CAMKMT: variants seen among roughly 807,000 people sequenced by gnomAD.
CAMKMT encodes the protein CaM KMT.
A neutral mutation model predicts 48.0 loss-of-function variants in CAMKMT; 53 were observed. That is an observed-to-expected ratio of 1.10 (90% CI 0.89 to 1.39). The LOEUF (loss-of-function observed/expected upper bound fraction) is 1.39, where lower values mean the gene tolerates loss of function less well. Among genes scored for constraint, CAMKMT ranks in the 40% most tolerant of loss-of-function variants. The pLI is 0.00. For missense variants in CAMKMT, 428 were observed against 402.7 expected (o/e 1.06, Z -0.54); for synonymous variants, 165 against 152.3 (o/e 1.08, Z -0.61).
chr2:44,608,707 C>T (rs985123077), intron 3 of CAMKMT, among the ~76,000 whole-genome samples: 1 of 152,146 alleles, frequency 6.6e-6, no homozygotes, highest in East Asian at 1.9e-4. Flanking sequence ...TCAGAATCCA[C>T]TGTATTTGGC....
intron 3 of CAMKMT, among the ~76,000 whole-genome samples, chr2:44,586,107 G>A (rs759618580): frequency 2.4e-4 from 37 of 152,144 alleles, no homozygotes; most frequent in Non-Finnish European, 5.1e-4. Context: ...ACAGAGGTAC[G>A]ATTTGCCTAT....
chr2:44,759,457 T>A (rs1372146725), intron 9 of CAMKMT, among the ~76,000 whole-genome samples: 10 of 152,114 alleles, frequency 6.6e-5, no homozygotes, highest in East Asian at 1.9e-4. Flanking sequence ...ATCTTTTTTT[T>A]TAAAAAAAGT....
At chr2:44,560,150 T>C (rs1668245344) in intron 3 of CAMKMT, among the ~76,000 whole-genome samples, 1 of 152,128 alleles carries the variant, frequency 6.6e-6, no homozygotes, top group African/African-American at 2.4e-5. Flanking sequence ...ACACTGGGAG[T>C]TTCTGTTAGG....
chr2:44,564,826 T>C (rs1668524688), intron 3 of CAMKMT, among the ~76,000 whole-genome samples: 1 of 152,196 alleles, frequency 6.6e-6, no homozygotes, highest in South Asian at 2.1e-4. Flanking sequence ...AGGCGTGAGC[T>C]ACCACACCCG....
intron 7 of CAMKMT, among the ~76,000 whole-genome samples, chr2:44,730,183 G>A (rs1679006314): frequency 6.6e-6 from 1 of 152,194 alleles, no homozygotes; most frequent in Admixed American, 6.5e-5. Flanking sequence ...CTTAAAGCGT[G>A]AGTGTGTTCA....
intron 3 of CAMKMT, among the ~76,000 whole-genome samples, chr2:44,656,681 G>T (rs1001602475): frequency 1.3e-5 from 2 of 151,900 alleles, no homozygotes; most frequent in East Asian, 1.9e-4. Flanking sequence ...GATGCTAAAG[G>T]CCTCTGGAAA....
At chr2:44,370,839 C>G (rs2104352244) in intron 1 of CAMKMT, among the ~76,000 whole-genome samples, 1 of 152,256 alleles carries the variant, frequency 6.6e-6, no homozygotes, top group South Asian at 2.1e-4. Flanking sequence ...GAGATAGAGC[C>G]TCACTCTGTT....
chr2:44,387,575 T>A (rs370828120), intron 2 of CAMKMT, among the ~76,000 whole-genome samples: 1 of 152,158 alleles, frequency 6.6e-6, no homozygotes, highest in South Asian at 2.1e-4. Context: ...CTGAGTACTT[T>A]GTTTTTTTTT....
chr2:44,479,863 G>A (rs922416087), intron 3 of CAMKMT, among the ~76,000 whole-genome samples: 9 of 152,088 alleles, frequency 5.9e-5, no homozygotes, highest in Admixed American at 3.9e-4. Context: ...ATTGACAGCC[G>A]TAATTTTATG....
chr2:44,583,647 A>T (rs28691733), intron 3 of CAMKMT, among the ~76,000 whole-genome samples: 95,735 of 151,778 alleles, frequency 0.63, 30,667 homozygotes, highest in Admixed American at 0.69. Flanking sequence ...AAATAAAAAA[A>T]TAGCTGGGCA....
intron 3 of CAMKMT, among the ~76,000 whole-genome samples, chr2:44,690,463 G>A (rs1676580848): frequency 6.6e-6 from 1 of 152,220 alleles, no homozygotes; most frequent in South Asian, 2.1e-4. Context: ...AGTGATGAGA[G>A]ACTGGGCTCT....
intron 2 of CAMKMT, 141 bp downstream of exon 2, chr2:44,373,029 A>G: frequency 1.3e-6 from 1 of 770,860 alleles, no homozygotes; most frequent in African/African-American, 1.8e-5. Flanking sequence ...AACTTGTTTT[A>G]GGAAATCCTG....
At chr2:44,551,947 G>A (rs1329078585) in intron 3 of CAMKMT, among the ~76,000 whole-genome samples, 1 of 152,098 alleles carries the variant, frequency 6.6e-6, no homozygotes, top group African/African-American at 2.4e-5. Flanking sequence ...CTTACTCAGG[G>A]CGAAGTGTAA....
chr2:44,441,488 A>G (rs912939517), intron 3 of CAMKMT, among the ~76,000 whole-genome samples: 2 of 152,184 alleles, frequency 1.3e-5, no homozygotes, highest in Non-Finnish European at 2.9e-5. Context: ...CATAGTACCA[A>G]GCATTTCATC....
At chr2:44,400,454 A>G (rs543818971) in intron 3 of CAMKMT, among the ~76,000 whole-genome samples, 1 of 152,102 alleles carries the variant, frequency 6.6e-6, no homozygotes, top group Non-Finnish European at 1.5e-5. Context: ...CACTCTACCC[A>G]TGGACATTCA....
chr2:44,677,217 C>A (rs1675751288), intron 3 of CAMKMT, among the ~76,000 whole-genome samples: 1 of 152,110 alleles, frequency 6.6e-6, no homozygotes, highest in South Asian at 2.1e-4. Flanking sequence ...TAAGAGCAGT[C>A]GGAGGGATTA....
At chr2:44,389,950 G>C (rs534061867) in intron 2 of CAMKMT, among the ~76,000 whole-genome samples, 16 of 152,118 alleles carry the variant, frequency 1.1e-4, no homozygotes, top group African/African-American at 3.9e-4. Flanking sequence ...GCTTTAAAAA[G>C]GTTAAGAACT....
intron 3 of CAMKMT, among the ~76,000 whole-genome samples, chr2:44,526,379 G>A (rs1004832191): frequency 6.6e-6 from 1 of 152,254 alleles, no homozygotes; most frequent in East Asian, 1.9e-4. Context: ...ATATATAGAT[G>A]GATATACAGA....
chr2:44,438,292 G>C (rs1414267998), intron 3 of CAMKMT, among the ~76,000 whole-genome samples: 1 of 152,050 alleles, frequency 6.6e-6, no homozygotes, highest in Non-Finnish European at 1.5e-5. Flanking sequence ...GAGTGAATTT[G>C]TTTCAGTAAA....
Sources: gnomAD v4.1 joint callset for allele counts (sites outside exome capture counted in the v4.1 genomes callset) on GRCh38, gnomAD v4.1.1 for gene constraint, MANE v1.5 for transcripts, NCBI Gene and HGNC (gene_info 2026-07-23, HGNC 2026-07-21) for gene names.